Variants in TMEM117 observed in about 807,000 individuals in gnomAD.
TMEM117 encodes transmembrane protein 117.
In TMEM117, 27 loss-of-function variants were observed where a neutral mutation model predicts 52.4. The ratio of observed to expected loss-of-function variants is 0.51; its 90% CI spans 0.38 to 0.71. The LOEUF is 0.71. TMEM117 is among the 30% of genes least tolerant of loss of function. TMEM117 has a pLI of 0.00. For missense variants in TMEM117, 556 were observed against 630.5 expected, an observed-to-expected ratio of 0.88 and a Z score of 1.26; for synonymous variants, 215 against 206.3, an observed-to-expected ratio of 1.04 and a Z score of -0.36.
intron 3 of TMEM117, among the ~76,000 whole-genome samples, chr12:44,057,655 A>G (rs1947077917): frequency 1.3e-5 from 2 of 152,104 alleles, no homozygotes; most frequent in South Asian, 2.1e-4. Context: ...AAAAAAAAAA[A>G]AGAATATGTC....
intron 7 of TMEM117, among the ~76,000 whole-genome samples, chr12:44,382,963 G>T (rs1256016325): frequency 6.6e-6 from 1 of 152,140 alleles, no homozygotes; most frequent in African/African-American, 2.4e-5. Context: ...TGGAATGAGG[G>T]GAGATTAGGA....
intron 3 of TMEM117, among the ~76,000 whole-genome samples, chr12:44,143,016 G>A (rs1407097749): frequency 1.3e-5 from 2 of 152,006 alleles, no homozygotes; most frequent in Non-Finnish European, 2.9e-5. Context: ...ATTTCATACT[G>A]CTTTATTATG....
At chr12:43,894,396 A>T (rs1383159721) in intron 2 of TMEM117, among the ~76,000 whole-genome samples, 2 of 151,382 alleles carry the variant, frequency 1.3e-5, no homozygotes, top group Non-Finnish European at 2.9e-5. Context: ...TCTTTTTTTT[A>T]AAATTTAACT....
intron 4 of TMEM117, among the ~76,000 whole-genome samples, chr12:44,149,650 T>G (rs533799104): frequency 2.0e-5 from 3 of 152,324 alleles, no homozygotes; most frequent in Non-Finnish European, 4.4e-5. Flanking sequence ...CATGTCACTA[T>G]TTTGTGGACT....
intron 3 of TMEM117, among the ~76,000 whole-genome samples, chr12:44,043,481 CT>C (rs1036271272): frequency 6.6e-6 from 1 of 152,058 alleles, no homozygotes; most frequent in African/African-American, 2.4e-5. Flanking sequence ...GCTGATGAAA[CT>C]TTTTTTGCCA....
chr12:43,898,439 G>A (rs1437510997), intron 2 of TMEM117, among the ~76,000 whole-genome samples: 1 of 151,050 alleles, frequency 6.6e-6, no homozygotes, highest in Non-Finnish European at 1.5e-5. Context: ...GATTAATAAT[G>A]ATTAATAGAC....
intron 3 of TMEM117, among the ~76,000 whole-genome samples, chr12:44,119,503 A>G (rs1208317444): frequency 2.0e-5 from 3 of 152,190 alleles, no homozygotes; most frequent in Admixed American, 6.5e-5. Flanking sequence ...GATCATTCCT[A>G]TCTATCCAAA....
chr12:43,936,279 A>T (rs1944950974), intron 2 of TMEM117, among the ~76,000 whole-genome samples: 1 of 152,190 alleles, frequency 6.6e-6, no homozygotes, highest in Non-Finnish European at 1.5e-5. Flanking sequence ...ATAAAATGAT[A>T]GGACAATTGA....
At chr12:44,302,047 T>C (rs908798935) in intron 6 of TMEM117, among the ~76,000 whole-genome samples, 1 of 152,236 alleles carries the variant, frequency 6.6e-6, no homozygotes, top group Non-Finnish European at 1.5e-5. Context: ...CCAGGCCTAC[T>C]GATTTATCTT....
the TMEM117 span, among the ~76,000 whole-genome samples, chr12:43,828,597 T>A: frequency 2.0e-5 from 3 of 152,244 alleles, no homozygotes; most frequent in African/African-American, 7.2e-5. Context: ...AACAAAGAAA[T>A]AATTTTTGTT....
intron 2 of TMEM117, among the ~76,000 whole-genome samples, chr12:43,906,808 CAGG>C (rs780727284): frequency 6.6e-6 from 1 of 152,222 alleles, no homozygotes; most frequent in Non-Finnish European, 1.5e-5. Context: ...AACGGCGCAC[CAGG>C]AGATTATATC....
intron 2 of TMEM117, among the ~76,000 whole-genome samples, chr12:43,880,354 CT>C (rs1386216092): frequency 1.3e-5 from 2 of 151,750 alleles, no homozygotes; most frequent in Non-Finnish European, 2.9e-5. Flanking sequence ...GGTTACATAA[CT>C]TTTTTAAAAA....
intron 2 of TMEM117, among the ~76,000 whole-genome samples, chr12:43,939,173 T>C (rs1283559930): frequency 1.3e-5 from 2 of 152,176 alleles, no homozygotes; most frequent in Non-Finnish European, 2.9e-5. Flanking sequence ...TTTTTGACTA[T>C]TATATCTTTT....
chr12:43,901,380 G>A (rs1434265829), intron 2 of TMEM117, among the ~76,000 whole-genome samples: 1 of 151,838 alleles, frequency 6.6e-6, no homozygotes, highest in Non-Finnish European at 1.5e-5. Flanking sequence ...GCGTAATCTC[G>A]GCTCACTGCA....
At chr12:43,987,587 G>T in intron 3 of TMEM117, among the ~76,000 whole-genome samples, 1 of 150,318 alleles carries the variant, frequency 6.7e-6, no homozygotes, top group Non-Finnish European at 1.5e-5. Context: ...TATGTGCCCT[G>T]AGTCAGTTGA....
intron 3 of TMEM117, among the ~76,000 whole-genome samples, chr12:44,081,048 ATAT>A (rs1187325061): frequency 2.0e-5 from 3 of 152,206 alleles, no homozygotes; most frequent in African/African-American, 4.8e-5. Context: ...TTTTGTACTA[ATAT>A]TATGAACAAA....
intron 5 of TMEM117, among the ~76,000 whole-genome samples, chr12:44,216,005 C>CTTTTTTTTTTTTTTTTTTT (rs778425747): frequency 1.8e-5 from 2 of 110,840 alleles, no homozygotes; most frequent in African/African-American, 7.7e-5. Context: ...TTCTTTCTTT[C>CTTTTTTTTTTTTTTTTTTT]TTTTTTTTTT....
intron 5 of TMEM117, among the ~76,000 whole-genome samples, chr12:44,283,742 C>T (rs578128241): frequency 2.6e-5 from 4 of 152,014 alleles, no homozygotes; most frequent in African/African-American, 9.7e-5. Flanking sequence ...GTTGGGAAGG[C>T]GTGATTGGTT....
At chr12:44,214,399 C>T (rs1025074082) in intron 5 of TMEM117, among the ~76,000 whole-genome samples, 3 of 151,962 alleles carry the variant, frequency 2.0e-5, no homozygotes, top group Admixed American at 6.6e-5. Context: ...AACTCCTGAC[C>T]ACAGATGATC....
Sources: gnomAD v4.1 joint callset for allele counts (sites outside exome capture counted in the v4.1 genomes callset) on GRCh38, gnomAD v4.1.1 for gene constraint, MANE v1.5 for transcripts, NCBI Gene and HGNC (gene_info 2026-07-23, HGNC 2026-07-21) for gene names.